Variants in DEFB119 observed in about 807,000 individuals in gnomAD.
DEFB119 encodes the protein defensin beta 119.
DEFB119 carries 3 observed loss-of-function variants against 2.5 expected under a neutral mutation model. The observed-to-expected ratio is 1.19, with a 90% CI of 0.54 to 3.07. The LOEUF is 3.07. Ranked by LOEUF, DEFB119 falls within the 30% of genes most tolerant of loss-of-function variation. DEFB119 has a pLI of 0.03. For missense variants in DEFB119, 113 were observed against 101.1 expected (o/e 1.12, Z -0.50); for synonymous variants, 29 against 33.7 (o/e 0.86, Z 0.48).
intron 1 of DEFB119, chr20:31,378,303 A>G (rs1338418343): frequency 1.2e-6 from 2 of 1,613,978 alleles, no homozygotes; most frequent in Non-Finnish European, 1.7e-6. Context: ...ATCCCTCCCC[A>G]TCCCAACCAA....
Position 31,377,322 on chromosome 20 carries a change from T to C in DEFB119, c.179A>G (p.Tyr60Cys). The change falls in exon 2 of 2, where the codon TAC (tyrosine) becomes TGC (cysteine). Residue 60 changes from tyrosine (Y) to cysteine (C), a missense_variant. Physicochemically the swap from Tyr to Cys is radical, Grantham distance 194. Transcript: ENST00000376321. ...RNCQSCCLQS[Y>C]MRISISGKEE... ...TTTGCCAGAAATGCTTATCCTCATG[T>C]AGGACTGGAGGCAGCAGGACTGACA... 1.9e-6 allele frequency: 3 copies of C among 1,614,150 alleles called. No individual in the cohort carries two copies. The highest frequency in any genetic ancestry group is 2.5e-6 in the Non-Finnish European group (3 of 1,180,002).
intron 1 of DEFB119, among the ~76,000 whole-genome samples, chr20:31,386,010 C>T (rs1986688969): frequency 6.6e-6 from 1 of 152,034 alleles, no homozygotes; most frequent in Admixed American, 6.6e-5. Context: ...TGGAGGGAGC[C>T]ATGAACAAAC....
At chr20:31,378,531 A>G (rs1986388387) in intron 1 of DEFB119, 5 of 1,364,428 alleles carry the variant, frequency 3.7e-6, no homozygotes, top group Non-Finnish European at 4.9e-6. Flanking sequence ...CTTTAATGAA[A>G]AAAAAGACAA....
rs755881741 is a variant in DEFB119 at position 31,378,454 on chromosome 20, A to G, written c.62-1015T>C. 48 of 1,607,242 alleles carry G rather than the reference A, an allele frequency of 3.0e-5. No individual in the cohort carries two copies. In the East Asian group the frequency reaches 1.0e-3, roughly 34 times the overall value. On this transcript the variant is annotated intron_variant, in intron 1 of 1. Transcript: ENST00000376321. The stretch of plus-strand genomic sequence containing the variant: ...ATATGATCCAGCATCTCATAACATA[A>G]TAATATCAAAAACATCCGCGTTCCA...
intron 1 of DEFB119, among the ~76,000 whole-genome samples, chr20:31,382,016 G>T (rs1157479628): frequency 1.3e-5 from 2 of 152,204 alleles, no homozygotes; most frequent in Admixed American, 1.3e-4. Context: ...ACAGGTGGCA[G>T]ATCTTCGTGG....
intron 1 of DEFB119, chr20:31,378,205 T>G (rs1986372644): frequency 8.2e-7 from 1 of 1,219,264 alleles, no homozygotes; most frequent in African/African-American, 1.5e-5. Flanking sequence ...GAGGGCCTAG[T>G]GCAGAGTCAA....
intron 1 of DEFB119, among the ~76,000 whole-genome samples, chr20:31,378,815 T>G (rs1014968506): frequency 2.6e-5 from 4 of 152,172 alleles, no homozygotes; most frequent in African/African-American, 9.7e-5. Context: ...TAGGTGAAAT[T>G]TTCAATAAAA....
chr20:31,377,230 T>G lies in DEFB119; in HGVS notation c.*16A>C. On this transcript the variant is annotated 3_prime_UTR_variant, in exon 2 of 2. Transcript: ENST00000376321. ...TCTCTGTGCCCAGAGAGCTTGAGAA[T>G]GGTAATCACCAGCACTCAAGGTAGT... The G allele has an allele frequency of 1.3e-6, 2 of 1,595,104 alleles. No homozygotes were observed. The highest frequency in any genetic ancestry group is 1.1e-5 in the South Asian group (1 of 88,318).
chr20:31,379,570 T>A (rs984989972), intron 1 of DEFB119, among the ~76,000 whole-genome samples: 30 of 152,046 alleles, frequency 2.0e-4, no homozygotes, highest in African/African-American at 6.5e-4. Context: ...CTCTGCTCAT[T>A]GCAACCTCTG....
intron 1 of DEFB119, chr20:31,389,302 GA>G (rs1334843239): frequency 6.3e-7 from 1 of 1,595,494 alleles, no homozygotes; most frequent in Non-Finnish European, 8.6e-7. Context: ...CAAGGCAGAG[GA>G]GGAACAGGAG....
intron 1 of DEFB119, among the ~76,000 whole-genome samples, chr20:31,388,617 G>A (rs1371902556): frequency 6.6e-6 from 1 of 152,124 alleles, no homozygotes; most frequent in East Asian, 1.9e-4. Context: ...AGCATCAGCT[G>A]GTTTCTCTAG....
chr20:31,384,518 A>G (rs970433810), intron 1 of DEFB119, among the ~76,000 whole-genome samples: 23 of 152,324 alleles, frequency 1.5e-4, no homozygotes, highest in African/African-American at 5.5e-4. Flanking sequence ...AAGAGTTCTT[A>G]TATGAAGATC....
intron 1 of DEFB119, among the ~76,000 whole-genome samples, chr20:31,378,870 G>T (rs1462639658): frequency 6.6e-6 from 1 of 151,552 alleles, no homozygotes; most frequent in African/African-American, 2.4e-5. Context: ...AAAGATTTTT[G>T]TATACTGTTG....
intron 1 of DEFB119, chr20:31,388,925 T>G: frequency 4.1e-5 from 47 of 1,146,648 alleles, no homozygotes; most frequent in East Asian, 3.1e-4. Flanking sequence ...CCACCCTCAA[T>G]CCATTTGAAG....
rs1986813145 is a variant in DEFB119 at position 31,388,910 on chromosome 20, TCCCCCCA to T, written c.61+1506_61+1512del. The T allele has an allele frequency of 3.1e-6, 4 of 1,302,174 alleles. No individual in the cohort carries two copies. The East Asian group carries it at 8.7e-5, about 28-fold the overall frequency. 80.7% of individuals were successfully genotyped at this position (1,302,174 alleles called of 1,614,324 possible). ...ACTAGCTCTTCACCTCCCCCTGCCA[TCCCCCCA>T]CCCTCAATCCATTTGAAGTATCATT... On this transcript the variant is annotated intron_variant, in intron 1 of 1. Coordinates refer to ENST00000376321, the MANE Select transcript of DEFB119 (RefSeq NM_153289.4).
intron 1 of DEFB119, among the ~76,000 whole-genome samples, chr20:31,387,368 G>C (rs1185875113): frequency 6.6e-6 from 1 of 152,162 alleles, no homozygotes; most frequent in Non-Finnish European, 1.5e-5. Flanking sequence ...CAGGTCCTGA[G>C]GCAAGAAGGC....
rs184859578 is a variant in DEFB119, at chr20:31,383,131, A to G, written c.62-5692T>C. Among the ~76,000 whole-genome samples the G allele has an allele frequency of 2.6e-5, 4 of 152,320 alleles. No individual in the cohort carries two copies. In the East Asian group the frequency reaches 7.7e-4, roughly 29 times the overall value. Reference sequence around the variant, plus strand: ...TATAGTTTGGCTGTGGCCCCACTCAAATCTCGTCTTAAATTGTAGCTCCCA... The same window carrying G: ...TATAGTTTGGCTGTGGCCCCACTCAGATCTCGTCTTAAATTGTAGCTCCCA... On this transcript the variant is annotated intron_variant, in intron 1 of 1. Coordinates refer to ENST00000376321, the MANE Select transcript of DEFB119 (RefSeq NM_153289.4).
chr20:31,385,374 C>CAAAAAAAAAAAAAAAAAAAA (rs539118665), intron 1 of DEFB119, among the ~76,000 whole-genome samples: 5 of 115,742 alleles, frequency 4.3e-5, no homozygotes, highest in Non-Finnish European at 1.7e-5. Flanking sequence ...TAACAAAAGA[C>CAAAAAAAAAAAAAAAAAAAA]AAAAAAAAAA....
chr20:31,390,058 C>T (rs1986871361), intron 1 of DEFB119, among the ~76,000 whole-genome samples: 1 of 151,838 alleles, frequency 6.6e-6, no homozygotes, highest in South Asian at 2.1e-4. Context: ...TCCTAATATT[C>T]CTTCTATCAC....
Sources: allele counts gnomAD v4.1 joint callset (sites outside exome capture counted in the v4.1 genomes callset), GRCh38; gene constraint gnomAD v4.1.1; transcripts MANE v1.5; gene names NCBI Gene and HGNC (gene_info 2026-07-23, HGNC 2026-07-21).